TAFA2: variants seen among roughly 807,000 people sequenced by gnomAD.
TAFA2 encodes the protein chemokine-like protein TAFA-2.
In TAFA2, 7 loss-of-function variants were observed where a neutral mutation model predicts 18.8. That is an observed-to-expected ratio of 0.37 (90% CI 0.21 to 0.70). TAFA2 has a LOEUF of 0.70. Among genes scored for constraint, TAFA2 ranks in the 30% least tolerant of loss-of-function variants. The probability of loss-of-function intolerance (pLI) is 0.53; values close to 1 mark genes in which losing one functional copy is unlikely to be tolerated. For synonymous variants in TAFA2, 60 were observed against 54.2 expected (o/e 1.11, Z -0.47); for missense variants, 122 against 158.1 (o/e 0.77, Z 1.23).
chr12:62,208,337 A>AT (rs2062700463), intron 1 of TAFA2, among the ~76,000 whole-genome samples: 1 of 152,128 alleles, frequency 6.6e-6, no homozygotes, highest in African/African-American at 2.4e-5. Flanking sequence ...GAAAAAAAAA[A>AT]GCTGTTTCTT....
At chr12:61,857,487 G>A (rs1873932484) in intron 2 of TAFA2, among the ~76,000 whole-genome samples, 1 of 152,068 alleles carries the variant, frequency 6.6e-6, no homozygotes, top group Non-Finnish European at 1.5e-5. Flanking sequence ...AAATATTCTT[G>A]TGGCAAATAT....
chr12:62,208,372 A>T (rs561265717), intron 1 of TAFA2, among the ~76,000 whole-genome samples: 1 of 152,340 alleles, frequency 6.6e-6, no homozygotes, highest in Non-Finnish European at 1.5e-5. Flanking sequence ...GTTTGCACCC[A>T]TGAATTAATG....
intron 4 of TAFA2, among the ~76,000 whole-genome samples, chr12:61,721,724 C>T (rs190134332): frequency 1.3e-4 from 20 of 152,260 alleles, no homozygotes; most frequent in African/African-American, 3.4e-4. Context: ...GGGAGGCCAA[C>T]GCGGGTGGAT....
chr12:62,211,452 C>T (rs184220012), intron 1 of TAFA2, among the ~76,000 whole-genome samples: 3 of 151,776 alleles, frequency 2.0e-5, no homozygotes, highest in East Asian at 1.9e-4. Context: ...TGGTGGTGCC[C>T]GCCTTTAATC....
At chr12:61,764,230 T>TGATAGATAGACA (rs1869688561) in intron 2 of TAFA2, among the ~76,000 whole-genome samples, 1 of 150,144 alleles carries the variant, frequency 6.7e-6, no homozygotes, top group East Asian at 2.0e-4. Flanking sequence ...GATGATTGAT[T>TGATAGATAGACA]GATAGATAGA....
chr12:62,161,678 T>C (rs934607021), intron 1 of TAFA2, among the ~76,000 whole-genome samples: 1 of 152,158 alleles, frequency 6.6e-6, no homozygotes, highest in African/African-American at 2.4e-5. Context: ...AAAATTGTAC[T>C]TGTACCCATA....
intron 2 of TAFA2, among the ~76,000 whole-genome samples, chr12:61,802,195 A>G (rs576954309): frequency 1.3e-5 from 2 of 152,180 alleles, no homozygotes; most frequent in East Asian, 3.9e-4. Context: ...TGAAAACAGT[A>G]TGAAGGTTCC....
intron 1 of TAFA2, among the ~76,000 whole-genome samples, chr12:61,956,033 G>T (rs1191538022): frequency 6.6e-6 from 1 of 151,886 alleles, no homozygotes; most frequent in African/African-American, 2.4e-5. Context: ...AATAACACAC[G>T]AATAACAGTG....
intron 1 of TAFA2, among the ~76,000 whole-genome samples, chr12:61,960,929 T>C (rs764066102): frequency 1.4e-4 from 22 of 151,978 alleles, no homozygotes; most frequent in Non-Finnish European, 1.5e-4. Context: ...GAGTCTGTTC[T>C]TGCATTGCTA....
At chr12:62,058,905 T>C (rs143691642) in intron 1 of TAFA2, among the ~76,000 whole-genome samples, 1,982 of 152,156 alleles carry the variant, frequency 0.013, 37 homozygotes, top group African/African-American at 0.044. Context: ...CGATCGAGAC[T>C]ATCCTGGCTA....
intron 2 of TAFA2, among the ~76,000 whole-genome samples, chr12:61,767,647 G>A (rs1869848427): frequency 6.6e-6 from 1 of 152,116 alleles, no homozygotes; most frequent in African/African-American, 2.4e-5. Context: ...TGATTGACAT[G>A]AAAAGCAAAT....
chr12:61,967,139 T>C (rs1244390519), intron 1 of TAFA2, among the ~76,000 whole-genome samples: 1 of 151,832 alleles, frequency 6.6e-6, no homozygotes, highest in East Asian at 1.9e-4. Context: ...TCAGCGAAGA[T>C]GTGACATTTG....
intron 1 of TAFA2, among the ~76,000 whole-genome samples, chr12:62,202,794 G>A (rs2062676691): frequency 8.8e-6 from 1 of 113,008 alleles, no homozygotes; most frequent in South Asian, 3.2e-4. Context: ...CGAGCAAGTT[G>A]TTCAATTTAC....
chr12:61,948,639 A>G (rs2121446688), intron 1 of TAFA2, among the ~76,000 whole-genome samples: 1 of 152,276 alleles, frequency 6.6e-6, no homozygotes, highest in Admixed American at 6.5e-5. Context: ...AATGACACAA[A>G]TGTCAGGATA....
chr12:61,859,396 G>A (rs1334834878), intron 2 of TAFA2, among the ~76,000 whole-genome samples: 1 of 152,122 alleles, frequency 6.6e-6, no homozygotes, highest in Non-Finnish European at 1.5e-5. Context: ...GTTTGGGTGG[G>A]GACACAGAGC....
intron 1 of TAFA2, among the ~76,000 whole-genome samples, chr12:62,217,529 T>C (rs2062740580): frequency 6.6e-6 from 1 of 152,194 alleles, no homozygotes; most frequent in African/African-American, 2.4e-5. Flanking sequence ...GCTGCCCAAG[T>C]CAGCTGAAGA....
At position 61,836,332 on chromosome 12, in the gene TAFA2, G is replaced by A. The variant is rs559691114; in HGVS notation, c.106+30988C>T. Among the ~76,000 whole-genome samples, 398 of 152,020 alleles carry A rather than the reference G, an allele frequency of 2.6e-3. 2 individuals carry two copies. The highest frequency in any genetic ancestry group is 5.0e-3 in the Non-Finnish European group (337 of 67,882). The stretch of plus-strand genomic sequence containing the variant: ...ATATAAAAGATTTTTAAAATGGTGA[G>A]TGTAAAGAATCTGCTAAAGAATCTG... On this transcript the variant is annotated intron_variant, in intron 2 of 4. Coordinates refer to ENST00000416284, the MANE Select transcript of TAFA2 (RefSeq NM_178539.5).
At chr12:61,913,745 T>G (rs1876705538) in intron 1 of TAFA2, among the ~76,000 whole-genome samples, 1 of 152,168 alleles carries the variant, frequency 6.6e-6, no homozygotes, top group South Asian at 2.1e-4. Flanking sequence ...ATGTCCTTCA[T>G]GAAGGAAACC....
At chr12:62,203,296 A>C (rs1592399090) in intron 1 of TAFA2, among the ~76,000 whole-genome samples, 1 of 152,390 alleles carries the variant, frequency 6.6e-6, no homozygotes, top group African/African-American at 2.4e-5. Flanking sequence ...TGTGGCGCCA[A>C]GAATAACGTA....
Sources: allele counts gnomAD v4.1 joint callset (sites outside exome capture counted in the v4.1 genomes callset), GRCh38; gene constraint gnomAD v4.1.1; transcripts MANE v1.5; gene names NCBI Gene and HGNC (gene_info 2026-07-23, HGNC 2026-07-21).